The following LAMB3 variants were observed in gnomAD, a reference collection of about 807,000 sequenced individuals.
LAMB3 encodes the protein laminin subunit beta 3.
A neutral mutation model predicts 140.3 loss-of-function variants in LAMB3; 104 were observed. The ratio of observed to expected loss-of-function variants is 0.74; its 90% CI spans 0.63 to 0.87. The LOEUF is 0.87. LAMB3 is among the 40% of genes least tolerant of loss of function. The probability of loss-of-function intolerance (pLI) is 0.00; values close to 1 mark genes in which losing one functional copy is unlikely to be tolerated. For synonymous variants in LAMB3, 592 were observed against 602.9 expected, an observed-to-expected ratio of 0.98 and a Z score of 0.26; for missense variants, 1,531 against 1,575.2, an observed-to-expected ratio of 0.97 and a Z score of 0.47.
At chr1:209,627,214 C>G (rs562523395) in intron 12 of LAMB3, among the ~76,000 whole-genome samples, 169 bp downstream of exon 12, 2 of 152,284 alleles carry the variant, frequency 1.3e-5, no homozygotes, top group East Asian at 3.9e-4. Context: ...CGGCCAAGAG[C>G]CACAGAGGGA....
At position 209,617,895 on chromosome 1, in the gene LAMB3, A is replaced by C; in HGVS notation, c.3051+12T>G. ...TGCCCAAATATGGGCGGAGGAAGCCATAATGCCTCACCTCAGCAACCCTGT... is the reference window on the plus strand; with the variant it reads ...TGCCCAAATATGGGCGGAGGAAGCCCTAATGCCTCACCTCAGCAACCCTGT... On this transcript the variant is annotated intron_variant, in intron 20 of 22. Coordinates refer to ENST00000356082, the MANE Select transcript of LAMB3 (RefSeq NM_000228.3). The C allele has an allele frequency of 1.2e-6, 2 of 1,614,190 alleles. No individual in the cohort carries two copies. Among genetic ancestry groups the C allele is most frequent in the Non-Finnish European group, 1.7e-6 (2 of 1,180,050 alleles).
At chr1:209,616,697 G>T in intron 21 of LAMB3, 73 bp from the exon 22 acceptor site, 1 of 1,442,154 alleles carries the variant, frequency 6.9e-7, no homozygotes, top group Non-Finnish European at 9.7e-7. Flanking sequence ...CAAAGCACTT[G>T]ATATCACCCA....
chr1:209,650,997 G>T lies in LAMB3; in HGVS notation c.-37-16C>A. On this transcript the variant is annotated splice_polypyrimidine_tract_variant and intron_variant, in intron 1 of 22. Transcript: ENST00000356082. ...AGGACCTTTCCTAGGACACAGCAAA[G>T]CAAACTGGGTACAACAGTGCAAACC... 8 of 1,553,094 alleles carry T rather than the reference G, an allele frequency of 5.2e-6. No individual in the cohort carries two copies. Among genetic ancestry groups the T allele is most frequent in the Non-Finnish European group, 3.6e-6 (4 of 1,124,182 alleles).
At chr1:209,620,386 C>T (rs537077373) in intron 18 of LAMB3, among the ~76,000 whole-genome samples, 36 of 152,102 alleles carry the variant, frequency 2.4e-4, no homozygotes, top group Admixed American at 6.5e-4. Flanking sequence ...AGGGAGGCTG[C>T]CTGGAGAGTG....
intron 3 of LAMB3, among the ~76,000 whole-genome samples, chr1:209,646,677 G>C (rs36051870): frequency 0.036 from 5,555 of 152,302 alleles, 362 homozygotes; most frequent in East Asian, 0.3. Flanking sequence ...AAATGCTCAG[G>C]AGTGTGATTT....
intron 18 of LAMB3, among the ~76,000 whole-genome samples, chr1:209,620,886 G>T (rs1666164244): frequency 6.6e-6 from 1 of 152,178 alleles, no homozygotes; most frequent in Non-Finnish European, 1.5e-5. Context: ...CTCCCACACT[G>T]TGACCCTATA....
rs1666822676 is a variant in LAMB3 at position 209,634,543 on chromosome 1, G to C, written c.468C>G (p.Thr156=). Residue 156 remains threonine, a synonymous_variant, in exon 6 of 23, where the codon ACC becomes ACG. Coordinates refer to ENST00000356082, the MANE Select transcript of LAMB3 (RefSeq NM_000228.3). The stretch of plus-strand genomic sequence containing the variant: ...GCCGACCCTGGCGGACCCGAGGGAA[G>C]GTGGAGGTGCAGTCGGCAGCCAGGT... The part of the protein sequence containing the change: ...YQYLAADCTS[T]FPRVRQGRPQ... 6.2e-7 allele frequency: 1 copy of C among 1,614,046 alleles called. No individual in the cohort carries two copies. Among genetic ancestry groups the C allele is most frequent in the Admixed American group, 1.7e-5 (1 of 60,010 alleles).
At chr1:209,650,779 C>T (rs2076558338) in intron 2 of LAMB3, 138 bp downstream of exon 2, 2 of 845,558 alleles carry the variant, frequency 2.4e-6, no homozygotes, top group African/African-American at 1.7e-5. Flanking sequence ...CACAGGTGTC[C>T]CCAGTAGACA....
chr1:209,619,057 G>A (rs1269974149), intron 18 of LAMB3, among the ~76,000 whole-genome samples: 2 of 152,150 alleles, frequency 1.3e-5, no homozygotes, highest in Non-Finnish European at 2.9e-5. Context: ...CTGCTTCCTT[G>A]GCAAAAAGAC....
chr1:209,622,793 A>T, intron 17 of LAMB3, 113 bp from the exon 18 acceptor site: 1 of 1,461,616 alleles, frequency 6.8e-7, no homozygotes, highest in Non-Finnish European at 9.6e-7. Flanking sequence ...AAGCATTTGT[A>T]ACCAACCCAG....
At chr1:209,616,322 T>C in intron 22 of LAMB3, 149 bp downstream of exon 22, 1 of 908,954 alleles carries the variant, frequency 1.1e-6, no homozygotes, top group Non-Finnish European at 1.8e-6. Flanking sequence ...CCCAGCCTCA[T>C]ACATGCTAGA....
chr1:209,630,471 A>T (rs756430792), intron 9 of LAMB3, 144 bp downstream of exon 9: 23 of 941,560 alleles, frequency 2.4e-5, no homozygotes, highest in Non-Finnish European at 3.8e-5. Context: ...GAGCCAGGAG[A>T]GCTTGAATTG....
Position 209,615,197 on chromosome 1 carries a change from A to C in LAMB3, c.*74T>G. ...TGAAAGTCTCCTGGAGATGGAAAGC[A>C]TTCCAACCCAATCTGCCCCCAACCA... On this transcript the variant is annotated 3_prime_UTR_variant, in exon 23 of 23. Coordinates refer to ENST00000356082, the MANE Select transcript of LAMB3 (RefSeq NM_000228.3). 2 of 1,599,674 alleles carry C rather than the reference A, an allele frequency of 1.3e-6. No individual in the cohort carries two copies. Among genetic ancestry groups the C allele is most frequent in the Non-Finnish European group, 1.7e-6 (2 of 1,169,656 alleles).
At chr1:209,618,802 A>C in intron 18 of LAMB3, 143 bp from the exon 19 acceptor site, 1 of 753,200 alleles carries the variant, frequency 1.3e-6, no homozygotes, top group South Asian at 1.5e-5. Context: ...GCCCCCTTTC[A>C]ACCAGACTCA....
chr1:209,627,214 C>A (rs562523395), intron 12 of LAMB3, among the ~76,000 whole-genome samples, 169 bp downstream of exon 12: 1 of 152,166 alleles, frequency 6.6e-6, no homozygotes, highest in Non-Finnish European at 1.5e-5. Flanking sequence ...CGGCCAAGAG[C>A]CACAGAGGGA....
intron 8 of LAMB3, among the ~76,000 whole-genome samples, chr1:209,631,994 A>C (rs1477533253): frequency 6.6e-6 from 1 of 152,160 alleles, no homozygotes; most frequent in Non-Finnish European, 1.5e-5. Flanking sequence ...TGTGGTTCTC[A>C]AGCTTGGTTT....
In LAMB3 at chr1:209,629,883, G is replaced by A. The variant is rs567822076; in HGVS notation, c.986C>T (p.Pro329Leu). 2 of 1,614,168 alleles carry A rather than the reference G, an allele frequency of 1.2e-6. No homozygotes were observed. The highest frequency in any genetic ancestry group is 2.7e-5 in the African/African-American group (2 of 75,042). ...CCCCTGGCTGGCGGCAAACACAGCGGGGTCAAAGTGACATGTCTCTGAGTG... is the reference window on the plus strand; with the variant it reads ...CCCCTGGCTGGCGGCAAACACAGCGAGGTCAAAGTGACATGTCTCTGAGTG... ...NGHSETCHFD[P>L]AVFAASQGAY... is the part of the protein sequence containing the mutation. Residue 329 changes from proline (P) to leucine (L), a missense_variant, in exon 10 of 23, where the codon CCC becomes CTC. Physicochemically the swap from Pro to Leu is moderately conservative, Grantham distance 98. Transcript: ENST00000356082.
chr1:209,625,609 C>G (rs1666405891), intron 14 of LAMB3, 39 bp downstream of exon 14: 1 of 1,613,238 alleles, frequency 6.2e-7, no homozygotes, highest in African/African-American at 1.3e-5. Flanking sequence ...ACCCCTGGAG[C>G]ATAATTCTTG....
chr1:209,626,759 T>C lies in LAMB3; in HGVS notation c.1597+108A>G, dbSNP rs113179206. On this transcript the variant is annotated intron_variant, in intron 13 of 22. Coordinates refer to ENST00000356082, the MANE Select transcript of LAMB3 (RefSeq NM_000228.3). ...GCTGCCCAGGCCCACACCACATGCA[T>C]CAGTACAGGACATCCTGCCCTGCTG... 45 of 803,742 alleles carry C rather than the reference T, an allele frequency of 5.6e-5. 2 individuals carry two copies. The African/African-American group carries it at 5.8e-4, about 10-fold the overall frequency. The allele number at this position is 803,742 out of a possible 1,614,324, so 49.8% of individuals were successfully genotyped here.
Sources: allele counts gnomAD v4.1 joint callset (sites outside exome capture counted in the v4.1 genomes callset), GRCh38; gene constraint gnomAD v4.1.1; transcripts MANE v1.5; gene names NCBI Gene and HGNC (gene_info 2026-07-23, HGNC 2026-07-21).